LRRTM3: variants seen among roughly 807,000 people sequenced by gnomAD.
The protein encoded by LRRTM3 is leucine-rich repeat transmembrane neuronal protein 3.
LRRTM3 carries 24 observed loss-of-function variants against 44.7 expected under a neutral mutation model. That is an observed-to-expected ratio of 0.54 (90% CI 0.39 to 0.76). The LOEUF is 0.76. Ranked by LOEUF, LRRTM3 falls within the 30% of genes least tolerant of loss-of-function variation. The probability of loss-of-function intolerance (pLI) is 0.00; values close to 1 mark genes in which losing one functional copy is unlikely to be tolerated. For missense variants in LRRTM3, 587 were observed against 702.2 expected, an observed-to-expected ratio of 0.84 and a Z score of 1.85; for synonymous variants, 277 against 278.7, an observed-to-expected ratio of 0.99 and a Z score of 0.06.
intron 2 of LRRTM3, among the ~76,000 whole-genome samples, chr10:67,006,056 G>T (rs1423622597): frequency 6.6e-6 from 1 of 151,884 alleles, no homozygotes; most frequent in Non-Finnish European, 1.5e-5. Context: ...CATTATTACA[G>T]TAATTATCTA....
At chr10:67,097,435 G>A (rs1024155352) in intron 2 of LRRTM3, 152 bp from the exon 3 acceptor site, 3 of 629,410 alleles carry the variant, frequency 4.8e-6, no homozygotes, top group Non-Finnish European at 8.4e-6. Flanking sequence ...TAGGAATAGG[G>A]GGCATTAGCG....
Position 67,098,136 on chromosome 10 carries a change from C to A in LRRTM3, c.*340C>A. ...TATTGTAAAGTTTCAATTGTAGAAACAACTGGTATGTACAGTACCATAATT... is the reference window on the plus strand; with the variant it reads ...TATTGTAAAGTTTCAATTGTAGAAAAAACTGGTATGTACAGTACCATAATT... On this transcript the variant is annotated 3_prime_UTR_variant, in exon 3 of 3. Transcript: ENST00000361320. The A allele has an allele frequency of 3.4e-6, 1 of 298,216 alleles. No homozygotes were observed. Among genetic ancestry groups the A allele is most frequent in the Non-Finnish European group, 6.5e-6 (1 of 154,778 alleles). 18.5% of individuals were successfully genotyped at this position (298,216 alleles called of 1,614,324 possible).
At position 66,930,599 on chromosome 10, in the gene LRRTM3, T is replaced by C. The variant is rs539420866; in HGVS notation, c.1536+2147T>C. On this transcript the variant is annotated intron_variant, in intron 2 of 2. Transcript: ENST00000361320. ...ACTTGTGATGGATACCAAATATATT[T>C]AGGCAAGGAATACTTATATTTTTGA... Among the ~76,000 whole-genome samples the C allele has an allele frequency of 3.3e-5, 5 of 152,270 alleles. No homozygotes were observed. The East Asian group carries it at 9.7e-4, about 29-fold the overall frequency.
At chr10:67,010,332 A>G (rs1307818694) in intron 2 of LRRTM3, among the ~76,000 whole-genome samples, 1 of 152,240 alleles carries the variant, frequency 6.6e-6, no homozygotes, top group African/African-American at 2.4e-5. Flanking sequence ...AGAAAATCCA[A>G]CAATGTTTTA....
intron 2 of LRRTM3, among the ~76,000 whole-genome samples, chr10:66,997,879 C>A (rs1455990500): frequency 6.6e-6 from 1 of 152,114 alleles, no homozygotes; most frequent in Non-Finnish European, 1.5e-5. Context: ...CCCCACACTC[C>A]TAATTGGTGA....
chr10:66,959,062 C>T (rs138716059), intron 2 of LRRTM3, among the ~76,000 whole-genome samples: 2 of 152,082 alleles, frequency 1.3e-5, no homozygotes, highest in African/African-American at 2.4e-5. Flanking sequence ...TCCTGCCAAG[C>T]GCTGGTATCC....
intron 2 of LRRTM3, among the ~76,000 whole-genome samples, chr10:67,045,358 G>A (rs575517609): frequency 1.3e-5 from 2 of 152,026 alleles, no homozygotes; most frequent in South Asian, 4.1e-4. Context: ...AAACCCTGGA[G>A]GTCACCAAAT....
chr10:67,085,971 T>G (rs1857288115), intron 2 of LRRTM3, among the ~76,000 whole-genome samples: 1 of 151,992 alleles, frequency 6.6e-6, no homozygotes, highest in African/African-American at 2.4e-5. Context: ...TCCACTCTCA[T>G]CATATCCTAC....
intron 1 of LRRTM3, 57 bp from the exon 2 acceptor site, chr10:66,926,860 CTTGA>C (rs1228180317): frequency 8.4e-6 from 12 of 1,428,618 alleles, no homozygotes; most frequent in South Asian, 2.9e-5. Context: ...CCTATTTTTG[CTTGA>C]TTAAGGATTA....
At chr10:67,060,841 AAG>A (rs1366285829) in intron 2 of LRRTM3, among the ~76,000 whole-genome samples, 1 of 149,066 alleles carries the variant, frequency 6.7e-6, no homozygotes, top group African/African-American at 2.5e-5. Context: ...TGACATGAAA[AAG>A]AAATACATTT....
At chr10:67,059,905 A>C (rs2133214656) in intron 2 of LRRTM3, among the ~76,000 whole-genome samples, 1 of 152,308 alleles carries the variant, frequency 6.6e-6, no homozygotes, top group Admixed American at 6.5e-5. Flanking sequence ...TAGGTGCCAT[A>C]GGGACACCAA....
At chr10:67,066,465 G>A (rs997888551) in intron 2 of LRRTM3, among the ~76,000 whole-genome samples, 2 of 149,404 alleles carry the variant, frequency 1.3e-5, no homozygotes, top group African/African-American at 2.5e-5. Context: ...TGCTAGAATT[G>A]TAGGTGTGAA....
At chr10:67,066,535 C>CA (rs57093251) in intron 2 of LRRTM3, among the ~76,000 whole-genome samples, 2,426 of 80,006 alleles carry the variant, frequency 0.03, 67 homozygotes, top group African/African-American at 0.068. Flanking sequence ...CAGTTCTTGA[C>CA]AAAAAAAAAA....
Position 67,002,802 on chromosome 10 carries a change from G to A in LRRTM3, c.1536+74350G>A, listed in dbSNP as rs901157585. 3.3e-5 allele frequency among the ~76,000 whole-genome samples: 5 copies of A among 151,844 alleles called. No individual in the cohort carries two copies. The South Asian group carries it at 8.3e-4, about 25-fold the overall frequency. Reference sequence around the variant, plus strand: ...TGCTGGGTTAAATAAACACAATTAGGTTTTATTTAGCATGTATTTGATTAT... The same window carrying A: ...TGCTGGGTTAAATAAACACAATTAGATTTTATTTAGCATGTATTTGATTAT... On this transcript the variant is annotated intron_variant, in intron 2 of 2. Transcript: ENST00000361320.
chr10:66,934,640 C>T (rs2132654554), intron 2 of LRRTM3, among the ~76,000 whole-genome samples: 1 of 152,196 alleles, frequency 6.6e-6, no homozygotes, highest in Non-Finnish European at 1.5e-5. Context: ...CCTTAATTAG[C>T]TAATTCCTAG....
At chr10:67,078,603 G>A (rs1269718802) in intron 2 of LRRTM3, among the ~76,000 whole-genome samples, 1 of 151,800 alleles carries the variant, frequency 6.6e-6, no homozygotes, top group Non-Finnish European at 1.5e-5. Context: ...TGCAACCTCC[G>A]CCCCCTGGGT....
At chr10:67,083,281 G>T (rs1378872434) in intron 2 of LRRTM3, among the ~76,000 whole-genome samples, 2 of 152,050 alleles carry the variant, frequency 1.3e-5, no homozygotes, top group Non-Finnish European at 2.9e-5. Flanking sequence ...CCAAATAGCT[G>T]CCTTTTCATT....
chr10:66,968,086 A>G (rs1203446179), intron 2 of LRRTM3, among the ~76,000 whole-genome samples: 2 of 152,064 alleles, frequency 1.3e-5, no homozygotes, highest in East Asian at 3.9e-4. Context: ...TTGCCCCATG[A>G]CTGCTGAGCC....
chr10:67,055,326 T>G (rs1855358279), intron 2 of LRRTM3, among the ~76,000 whole-genome samples: 1 of 152,190 alleles, frequency 6.6e-6, no homozygotes, highest in Non-Finnish European at 1.5e-5. Context: ...AACAAACTCA[T>G]TAAGCAAAGA....
Sources: allele counts gnomAD v4.1 joint callset (sites outside exome capture counted in the v4.1 genomes callset), GRCh38; gene constraint gnomAD v4.1.1; transcripts MANE v1.5; gene names NCBI Gene and HGNC (gene_info 2026-07-23, HGNC 2026-07-21).